TRAPPC10: variants seen among roughly 807,000 people sequenced by gnomAD.
TRAPPC10 encodes TRAPP 130 kDa subunit.
A neutral mutation model predicts 125.5 loss-of-function variants in TRAPPC10; 23 were observed. The ratio of observed to expected loss-of-function variants is 0.18; its 90% CI spans 0.13 to 0.26. The LOEUF (loss-of-function observed/expected upper bound fraction) is 0.26. Ranked by LOEUF, TRAPPC10 falls within the 10% of genes least tolerant of loss-of-function variation. The pLI, the probability that TRAPPC10 is intolerant of heterozygous loss-of-function variation, is 1.00. For synonymous variants in TRAPPC10, 509 were observed against 518.0 expected (o/e 0.98, Z 0.24); for missense variants, 1,123 against 1,308.4 (o/e 0.86, Z 2.19).
intron 17 of TRAPPC10, 39 bp from the exon 18 acceptor site, chr21:44,089,794 G>A (rs368084163): frequency 1.0e-5 from 16 of 1,537,900 alleles, no homozygotes; most frequent in Admixed American, 1.7e-5. Context: ...GCTGTCCGTC[G>A]GCGAGTGGTC....
Position 44,089,816 on chromosome 21 carries a change from T to C in TRAPPC10, c.2770-17T>C. On this transcript the variant is annotated splice_polypyrimidine_tract_variant and intron_variant, in intron 17 of 22. Coordinates refer to ENST00000291574, the MANE Select transcript of TRAPPC10 (RefSeq NM_003274.5). ...GTCGGCGAGTGGTCTGAGAGTGTCTTTGTGCTTCCTCCTCAGGTGTCGATT... is the reference window on the plus strand; with the variant it reads ...GTCGGCGAGTGGTCTGAGAGTGTCTCTGTGCTTCCTCCTCAGGTGTCGATT... 1.9e-6 allele frequency: 3 copies of C among 1,608,420 alleles called. No homozygotes were observed. The highest frequency in any genetic ancestry group is 2.6e-6 in the Non-Finnish European group (3 of 1,175,258).
Position 44,101,156 on chromosome 21 carries a change from A to G in TRAPPC10, c.3347-1622A>G, listed in dbSNP as rs567265021. Among the ~76,000 whole-genome samples the G allele has an allele frequency of 1.7e-4, 12 of 71,778 alleles. 4 individuals carry two copies. The South Asian group carries it at 4.5e-3, about 27-fold the overall frequency. The allele number at this position is 71,778 out of a possible 152,430, so 47.1% of individuals were successfully genotyped here. A position where few individuals can be genotyped will look rare whatever the true frequency, so the allele number is the denominator to read the frequency against. On this transcript the variant is annotated intron_variant, in intron 21 of 22. Coordinates refer to ENST00000291574, the MANE Select transcript of TRAPPC10 (RefSeq NM_003274.5). ...GGGCAACGAGCAAAACTCCGCCTCA[A>G]CAACAACAACAACAACAAAACAACC... is the stretch of plus-strand genomic sequence containing the variant.
chr21:44,073,141 TTAAG>T (rs2037008511), intron 7 of TRAPPC10, among the ~76,000 whole-genome samples: 1 of 152,246 alleles, frequency 6.6e-6, no homozygotes, highest in African/African-American at 2.4e-5. Flanking sequence ...CCCAAAAGGT[TTAAG>T]TAGCTTATCT....
At chr21:44,052,208 T>C in intron 3 of TRAPPC10, 72 bp from the exon 4 acceptor site, 1 of 1,319,610 alleles carries the variant, frequency 7.6e-7, no homozygotes, top group East Asian at 2.4e-5. Context: ...CAGGCTGTTA[T>C]TAGGCACATT....
chr21:44,030,740 TTACA>T, intron 1 of TRAPPC10, among the ~76,000 whole-genome samples: 1 of 152,212 alleles, frequency 6.6e-6, no homozygotes, highest in Admixed American at 6.5e-5. Flanking sequence ...AATGCTGGGA[TTACA>T]GGTGTGAGCC....
chr21:44,074,799 G>GT (rs1219618381), intron 8 of TRAPPC10, among the ~76,000 whole-genome samples: 1 of 152,364 alleles, frequency 6.6e-6, no homozygotes, highest in East Asian at 1.9e-4. Flanking sequence ...GCTTATGCAG[G>GT]TGCAGGCGTA....
At chr21:44,068,437 G>A (rs1487241689) in intron 7 of TRAPPC10, among the ~76,000 whole-genome samples, 3 of 152,112 alleles carry the variant, frequency 2.0e-5, no homozygotes, top group Non-Finnish European at 4.4e-5. Flanking sequence ...AGTTCTTTGT[G>A]TGTCACGTTG....
intron 9 of TRAPPC10, 127 bp from the exon 10 acceptor site, chr21:44,076,425 T>C (rs2037287197): frequency 1.5e-6 from 1 of 670,382 alleles, no homozygotes; most frequent in South Asian, 1.8e-5. Flanking sequence ...TCCGTTGGCA[T>C]TGGCCGGTTT....
chr21:44,094,303 T>G, intron 20 of TRAPPC10, 70 bp downstream of exon 20: 1 of 1,394,954 alleles, frequency 7.2e-7, no homozygotes, highest in Non-Finnish European at 1.0e-6. Flanking sequence ...CTTTATAATC[T>G]GAAGAACTGA....
chr21:44,092,029 C>T lies in TRAPPC10; in HGVS notation c.2977C>T (p.Leu993=), dbSNP rs754369499. The T allele has an allele frequency of 2.5e-6, 4 of 1,614,166 alleles. No homozygotes were observed. The highest frequency in any genetic ancestry group is 3.4e-6 in the Non-Finnish European group (4 of 1,180,004). ...TAGTACCGACCTGCAACTAGTACCA[C>T]TGAACACGCAGTCCCAGCAGGTAAA... ...GDSTDLQLVP[L]NTQSQQPIYS... Residue 993 remains leucine (L), a synonymous_variant, in exon 19 of 23, where the codon CTG becomes TTG. Transcript: ENST00000291574.
chr21:44,086,581 TTC>T (rs2038150645), intron 15 of TRAPPC10, among the ~76,000 whole-genome samples: 1 of 152,186 alleles, frequency 6.6e-6, no homozygotes, highest in African/African-American at 2.4e-5. Flanking sequence ...ACTCACAGGA[TTC>T]TTTTTTCCCC....
chr21:44,089,267 T>A (rs1240124037), intron 17 of TRAPPC10: 1 of 345,222 alleles, frequency 2.9e-6, no homozygotes, highest in Non-Finnish European at 5.8e-6. Flanking sequence ...ATTCACCTCT[T>A]CCCTGTGGGG....
At position 44,072,591 on chromosome 21, in the gene TRAPPC10, G is replaced by A. The variant is rs562249229; in HGVS notation, c.1039-1733G>A. 3.9e-5 allele frequency among the ~76,000 whole-genome samples: 6 copies of A among 152,314 alleles called. No homozygotes were observed. In the East Asian group the frequency reaches 1.2e-3, roughly 29 times the overall value. On this transcript the variant is annotated intron_variant, in intron 7 of 22. Transcript: ENST00000291574. ...TGATTCTCCTGTCTAAGCCTCTCGA[G>A]TAGCTGGGATTACAGGTGCATGCCA...
chr21:44,017,301 C>T (rs956799508), intron 1 of TRAPPC10, among the ~76,000 whole-genome samples: 12 of 152,156 alleles, frequency 7.9e-5, no homozygotes, highest in African/African-American at 1.4e-4. Flanking sequence ...CGCATGACCT[C>T]GGTTCTTACA....
chr21:44,073,130 T>C (rs914093216), intron 7 of TRAPPC10, among the ~76,000 whole-genome samples: 3 of 152,208 alleles, frequency 2.0e-5, no homozygotes, highest in South Asian at 2.1e-4. Flanking sequence ...GATTTTTTTT[T>C]CCCAAAAGGT....
chr21:44,021,136 C>A (rs1239470422), intron 1 of TRAPPC10, among the ~76,000 whole-genome samples: 1 of 152,204 alleles, frequency 6.6e-6, no homozygotes, highest in Non-Finnish European at 1.5e-5. Context: ...ATTCTGAGAA[C>A]TTGATACCCA....
intron 18 of TRAPPC10, among the ~76,000 whole-genome samples, chr21:44,090,336 G>T (rs2038486326): frequency 6.6e-6 from 1 of 152,168 alleles, no homozygotes; most frequent in South Asian, 2.1e-4. Context: ...CTTGTCAATT[G>T]CCTGCAACCT....
chr21:44,079,542 T>C (rs2037530256), intron 11 of TRAPPC10, 22 bp from the exon 12 acceptor site: 4 of 1,580,430 alleles, frequency 2.5e-6, no homozygotes, highest in Admixed American at 2.1e-5. Context: ...TAATGAAAGC[T>C]ACTGTTTGTT....
intron 3 of TRAPPC10, among the ~76,000 whole-genome samples, chr21:44,047,565 T>TGTGCGC (rs954810521): frequency 6.1e-5 from 9 of 147,204 alleles, no homozygotes; most frequent in South Asian, 2.2e-4. Flanking sequence ...TGTGTGTGTG[T>TGTGCGC]GCGCGCACAC....
Sources: gnomAD v4.1 joint callset for allele counts (sites outside exome capture counted in the v4.1 genomes callset) on GRCh38, gnomAD v4.1.1 for gene constraint, MANE v1.5 for transcripts, NCBI Gene and HGNC (gene_info 2026-07-23, HGNC 2026-07-21) for gene names.